The following DNAI7 variants were observed in gnomAD, a reference collection of about 807,000 sequenced individuals.
DNAI7 encodes dynein axonemal intermediate chain 7, also known as cancer susceptibility 1.
In DNAI7, 78 loss-of-function variants were observed where a neutral mutation model predicts 86.6. The ratio of observed to expected loss-of-function variants is 0.90; its 90% CI spans 0.75 to 1.09. The LOEUF (loss-of-function observed/expected upper bound fraction) is 1.09. Ranked by LOEUF, DNAI7 falls within the 50% of genes least tolerant of loss-of-function variation. The probability of loss-of-function intolerance (pLI) is 0.00; values close to 1 mark genes in which losing one functional copy is unlikely to be tolerated. For missense variants in DNAI7, 753 were observed against 810.2 expected, an observed-to-expected ratio of 0.93 and a Z score of 0.86; for synonymous variants, 274 against 273.0, an observed-to-expected ratio of 1.00 and a Z score of -0.04.
At chr12:25,177,181 G>C (rs1297325833) in intron 2 of DNAI7, among the ~76,000 whole-genome samples, 1 of 152,046 alleles carries the variant, frequency 6.6e-6, no homozygotes, top group Non-Finnish European at 1.5e-5. Flanking sequence ...GGGATTACAG[G>C]TGTGACCCAC....
At chr12:25,144,917 C>T (rs1944639191) in intron 8 of DNAI7, among the ~76,000 whole-genome samples, 1 of 152,144 alleles carries the variant, frequency 6.6e-6, no homozygotes, top group African/African-American at 2.4e-5. Flanking sequence ...TCTGTCTCCT[C>T]TATATGGCCT....
chr12:25,143,022 CTA>C (rs1300026658), intron 9 of DNAI7, among the ~76,000 whole-genome samples: 1 of 148,988 alleles, frequency 6.7e-6, no homozygotes, highest in Admixed American at 6.7e-5. Context: ...ATTTTAAAAA[CTA>C]TCTTATTGCC....
intron 2 of DNAI7, among the ~76,000 whole-genome samples, chr12:25,182,766 T>A (rs531582045): frequency 6.7e-4 from 102 of 151,328 alleles, no homozygotes; most frequent in African/African-American, 2.2e-3. Flanking sequence ...CTAAAAAAAA[T>A]TTTTTTAATT....
intron 9 of DNAI7, among the ~76,000 whole-genome samples, chr12:25,144,160 AG>A (rs1361888566): frequency 6.6e-6 from 1 of 152,208 alleles, no homozygotes; most frequent in African/African-American, 2.4e-5. Context: ...GCTGAACTTT[AG>A]GATGTTGAAG....
At chr12:25,149,218 C>G (rs909253106) in intron 7 of DNAI7, among the ~76,000 whole-genome samples, 1 of 152,034 alleles carries the variant, frequency 6.6e-6, no homozygotes, top group Non-Finnish European at 1.5e-5. Flanking sequence ...AAGGTTGGTG[C>G]AAAAGTAATT....
intron 1 of DNAI7, among the ~76,000 whole-genome samples, chr12:25,194,127 C>T (rs972851257): frequency 4.6e-5 from 7 of 152,068 alleles, no homozygotes; most frequent in African/African-American, 1.7e-4. Flanking sequence ...GCCTCCACTC[C>T]CTATTTCTTC....
chr12:25,164,605 C>T (rs1378760538), intron 2 of DNAI7, among the ~76,000 whole-genome samples: 1 of 152,024 alleles, frequency 6.6e-6, no homozygotes, highest in East Asian at 1.9e-4. Flanking sequence ...CTAAATAATT[C>T]TTGTCACAAA....
intron 9 of DNAI7, among the ~76,000 whole-genome samples, chr12:25,134,904 T>A (rs888799443): frequency 6.6e-6 from 1 of 152,180 alleles, no homozygotes; most frequent in African/African-American, 2.4e-5. Context: ...AGTATTGTAG[T>A]GGATTCATAT....
chr12:25,169,193 T>C (rs1290974419), intron 2 of DNAI7, among the ~76,000 whole-genome samples: 1 of 152,192 alleles, frequency 6.6e-6, no homozygotes, highest in African/African-American at 2.4e-5. Context: ...CCTTAACTGA[T>C]GACATTCCAC....
At chr12:25,188,963 T>A (rs1312803753) in intron 2 of DNAI7, among the ~76,000 whole-genome samples, 1 of 152,210 alleles carries the variant, frequency 6.6e-6, no homozygotes, top group Non-Finnish European at 1.5e-5. Flanking sequence ...AGAGCCTTCA[T>A]AAATTTTGTT....
intron 9 of DNAI7, among the ~76,000 whole-genome samples, chr12:25,130,841 G>A (rs1287501642): frequency 2.0e-5 from 3 of 151,988 alleles, no homozygotes; most frequent in Non-Finnish European, 2.9e-5. Flanking sequence ...AATATTATTA[G>A]TATTACACAT....
At chr12:25,124,909 A>G (rs887057829) in intron 9 of DNAI7, among the ~76,000 whole-genome samples, 1 of 135,904 alleles carries the variant, frequency 7.4e-6, no homozygotes, top group East Asian at 3.0e-4. Flanking sequence ...TGCTAAGGAT[A>G]ATAGCCTTCA....
Position 25,183,531 on chromosome 12 carries a change from T to G in DNAI7, c.21+7083A>C, listed in dbSNP as rs145210473. 4.3e-3 allele frequency among the ~76,000 whole-genome samples: 652 copies of G among 152,200 alleles called. 7 individuals are homozygous for G. The highest frequency in any genetic ancestry group is 0.015 in the African/African-American group (610 of 41,544). Reference sequence around the variant, plus strand: ...TTAATACAGCTATATAAGCTTTTGTTTTTCTAGTAATTTGTATAGTATGAC... The same window carrying G: ...TTAATACAGCTATATAAGCTTTTGTGTTTCTAGTAATTTGTATAGTATGAC... On this transcript the variant is annotated intron_variant, in intron 2 of 15. Coordinates refer to ENST00000395987, the MANE Select transcript of DNAI7 (RefSeq NM_018272.5).
intron 13 of DNAI7, among the ~76,000 whole-genome samples, chr12:25,113,335 T>C (rs926351161): frequency 1.3e-5 from 2 of 152,086 alleles, no homozygotes; most frequent in Admixed American, 6.6e-5. Flanking sequence ...GGAGTCTTGC[T>C]CTGTCGCCCA....
chr12:25,157,277 C>CAAA (rs34695125), intron 4 of DNAI7, among the ~76,000 whole-genome samples: 2,769 of 88,962 alleles, frequency 0.031, 145 homozygotes, highest in African/African-American at 0.11. Flanking sequence ...GACTCCGTCT[C>CAAA]AAAAAAAAAA....
intron 9 of DNAI7, among the ~76,000 whole-genome samples, chr12:25,143,966 T>C (rs1944512418): frequency 6.6e-6 from 1 of 152,196 alleles, no homozygotes; most frequent in African/African-American, 2.4e-5. Flanking sequence ...ATTTTTACTT[T>C]ATAAAATTAT....
chr12:25,194,601 T>C (rs1950864409), intron 1 of DNAI7, among the ~76,000 whole-genome samples: 1 of 152,208 alleles, frequency 6.6e-6, no homozygotes, highest in Non-Finnish European at 1.5e-5. Context: ...ATTTAACTAA[T>C]GCAGGATGAG....
chr12:25,172,805 T>A (rs1162919595), intron 2 of DNAI7, among the ~76,000 whole-genome samples: 2 of 152,080 alleles, frequency 1.3e-5, no homozygotes, highest in East Asian at 3.8e-4. Flanking sequence ...CCCAAATACT[T>A]ACAACTAACT....
chr12:25,155,719 T>G (rs1159685383), intron 4 of DNAI7, among the ~76,000 whole-genome samples: 1 of 152,160 alleles, frequency 6.6e-6, no homozygotes, highest in Non-Finnish European at 1.5e-5. Context: ...TGCAAGATGG[T>G]GTGAAAGTGC....
Sources: allele counts gnomAD v4.1 joint callset (sites outside exome capture counted in the v4.1 genomes callset), GRCh38; gene constraint gnomAD v4.1.1; transcripts MANE v1.5; gene names NCBI Gene and HGNC (gene_info 2026-07-23, HGNC 2026-07-21).